Variants in NAV2 observed in about 807,000 individuals in gnomAD.
The protein encoded by NAV2 is neuron navigator 2.
Under a neutral mutation model 223.2 loss-of-function variants are expected in NAV2, and 54 were observed. The observed-to-expected ratio is 0.24, with a 90% CI of 0.19 to 0.30. The LOEUF is 0.30. Ranked by LOEUF, NAV2 falls within the 10% of genes least tolerant of loss-of-function variation. The pLI is 1.00. For synonymous variants in NAV2, 1,279 were observed against 1,239.3 expected (o/e 1.03, Z -0.67); for missense variants, 2,806 against 3,147.5 (o/e 0.89, Z 2.60).
At chr11:19,732,268 A>G (rs1565221747) in intron 1 of NAV2, among the ~76,000 whole-genome samples, 1 of 151,808 alleles carries the variant, frequency 6.6e-6, no homozygotes, top group Non-Finnish European at 1.5e-5. Flanking sequence ...CAAGAAAAAA[A>G]AAAAAAGAGT....
At chr11:19,419,889 T>G (rs1026557921) in intron 1 of NAV2, among the ~76,000 whole-genome samples, 3 of 152,192 alleles carry the variant, frequency 2.0e-5, no homozygotes, top group Admixed American at 6.5e-5. Flanking sequence ...TTGAGAATAA[T>G]TCCTTCCTTG....
chr11:20,077,838 T>C (rs1216567568), intron 23 of NAV2, among the ~76,000 whole-genome samples, 155 bp from the exon 24 acceptor site: 1 of 152,238 alleles, frequency 6.6e-6, no homozygotes, highest in Non-Finnish European at 1.5e-5. Context: ...GTTATAATCC[T>C]ACTTTTATGT....
At chr11:19,890,154 A>G (rs2041379024) in intron 5 of NAV2, among the ~76,000 whole-genome samples, 1 of 152,212 alleles carries the variant, frequency 6.6e-6, no homozygotes, top group African/African-American at 2.4e-5. Context: ...GTATAACTGT[A>G]AATCATTATT....
intron 1 of NAV2, among the ~76,000 whole-genome samples, chr11:19,692,356 C>A (rs1217380371): frequency 6.6e-6 from 1 of 152,254 alleles, no homozygotes; most frequent in Admixed American, 6.5e-5. Context: ...TGTTGAAGCA[C>A]CAACCAAATG....
intron 1 of NAV2, among the ~76,000 whole-genome samples, chr11:19,612,096 C>A (rs551158867): frequency 1.3e-5 from 2 of 152,232 alleles, no homozygotes; most frequent in African/African-American, 4.8e-5. Context: ...AGGCTTGGAG[C>A]TTCCACCCTC....
chr11:19,690,173 G>A (rs1425262385), intron 1 of NAV2, among the ~76,000 whole-genome samples: 1 of 152,156 alleles, frequency 6.6e-6, no homozygotes, highest in Non-Finnish European at 1.5e-5. Flanking sequence ...TGTTGGTCAG[G>A]CTGCTCTAGA....
chr11:19,512,098 A>G (rs1476811764), intron 1 of NAV2, among the ~76,000 whole-genome samples: 1 of 152,162 alleles, frequency 6.6e-6, no homozygotes, highest in African/African-American at 2.4e-5. Context: ...GGAAACAGAT[A>G]AACTCTCTGT....
chr11:19,786,467 G>A (rs2057127419), intron 1 of NAV2, among the ~76,000 whole-genome samples: 1 of 152,210 alleles, frequency 6.6e-6, no homozygotes, highest in Non-Finnish European at 1.5e-5. Context: ...TCAATATAAT[G>A]CAAAGTTGAA....
chr11:19,675,327 TC>T (rs1442000319), intron 1 of NAV2, among the ~76,000 whole-genome samples: 1 of 152,156 alleles, frequency 6.6e-6, no homozygotes, highest in Admixed American at 6.5e-5. Flanking sequence ...TTTGATAAAC[TC>T]CCAGTTATTT....
Position 19,888,116 on chromosome 11 carries a change from G to A in NAV2, c.771-4318G>A, listed in dbSNP as rs567695113. ...ACAGCAGCAGGATTGTTCCCCCACC[G>A]CTTACACCACTTCCCTTAAGCTTAA... On this transcript the variant is annotated intron_variant, in intron 5 of 37. Coordinates refer to ENST00000349880, the MANE Select transcript of NAV2 (RefSeq NM_145117.5). Among the ~76,000 whole-genome samples, 82 of 152,180 alleles carry A rather than the reference G, an allele frequency of 5.4e-4. 1 individual carries two copies. Among genetic ancestry groups the A allele is most frequent in the African/African-American group, 1.8e-3 (73 of 41,526 alleles).
chr11:19,411,949 C>T (rs965271077), intron 1 of NAV2, among the ~76,000 whole-genome samples: 2 of 152,176 alleles, frequency 1.3e-5, no homozygotes, highest in African/African-American at 4.8e-5. Context: ...GTGGTGAAGT[C>T]ATCTGCCCAA....
intron 11 of NAV2, among the ~76,000 whole-genome samples, chr11:19,999,225 G>T (rs1384492674): frequency 6.6e-6 from 1 of 152,170 alleles, no homozygotes; most frequent in African/African-American, 2.4e-5. Flanking sequence ...GGCACACAGT[G>T]AACCCACCCA....
At chr11:19,903,930 G>A (rs1047141986) in intron 6 of NAV2, among the ~76,000 whole-genome samples, 2 of 152,188 alleles carry the variant, frequency 1.3e-5, no homozygotes, top group African/African-American at 4.8e-5. Context: ...TGGCCTAGTG[G>A]AAAGACTTTC....
chr11:19,819,865 T>G (rs1319460644), intron 1 of NAV2, among the ~76,000 whole-genome samples: 2 of 152,250 alleles, frequency 1.3e-5, no homozygotes, highest in Non-Finnish European at 2.9e-5. Flanking sequence ...TCTAAACATG[T>G]GCAGAGTTCT....
chr11:19,859,836 C>T (rs1467529640), intron 3 of NAV2, among the ~76,000 whole-genome samples: 4 of 148,496 alleles, frequency 2.7e-5, no homozygotes, highest in South Asian at 2.1e-4. Flanking sequence ...CCCCCAACTC[C>T]CTCCCGGACG....
chr11:19,413,957 G>A (rs1850255450), intron 1 of NAV2, among the ~76,000 whole-genome samples: 1 of 152,166 alleles, frequency 6.6e-6, no homozygotes, highest in Non-Finnish European at 1.5e-5. Flanking sequence ...ACCAGTCCCT[G>A]CAAAAACATA....
At chr11:19,688,439 A>T (rs892702764) in intron 1 of NAV2, among the ~76,000 whole-genome samples, 1 of 152,218 alleles carries the variant, frequency 6.6e-6, no homozygotes, top group Non-Finnish European at 1.5e-5. Flanking sequence ...TAACAGAGGT[A>T]CACAAACCAT....
intron 10 of NAV2, among the ~76,000 whole-genome samples, chr11:19,963,216 C>T (rs527247908): frequency 1.3e-5 from 2 of 152,144 alleles, no homozygotes; most frequent in African/African-American, 4.8e-5. Context: ...TGCTTTTTCT[C>T]ACTTACTCTT....
chr11:20,049,930 C>T (rs752318818), intron 16 of NAV2, 29 bp downstream of exon 16: 11 of 1,607,978 alleles, frequency 6.8e-6, no homozygotes, highest in African/African-American at 1.3e-5. Flanking sequence ...GGGGACCAAC[C>T]GAGCCTCTAG....
Sources: gnomAD v4.1 joint callset for allele counts (sites outside exome capture counted in the v4.1 genomes callset) on GRCh38, gnomAD v4.1.1 for gene constraint, MANE v1.5 for transcripts, NCBI Gene and HGNC (gene_info 2026-07-23, HGNC 2026-07-21) for gene names.